Variants in POLN observed in about 807,000 individuals in gnomAD.
The protein encoded by POLN is DNA polymerase nu.
POLN carries 108 observed loss-of-function variants against 113.5 expected under a neutral mutation model. The ratio of observed to expected loss-of-function variants is 0.95; its 90% CI spans 0.81 to 1.12. The LOEUF (loss-of-function observed/expected upper bound fraction) is 1.12. Among genes scored for constraint, POLN ranks in the 50% most tolerant of loss-of-function variants. The probability of loss-of-function intolerance (pLI) is 0.00; values close to 1 mark genes in which losing one functional copy is unlikely to be tolerated. For missense variants in POLN, 1,097 were observed against 1,077.1 expected (o/e 1.02, Z -0.26); for synonymous variants, 386 against 391.5 (o/e 0.99, Z 0.17).
At chr4:2,078,553 G>A in intron 23 of POLN, 4 of 978,280 alleles carry the variant, frequency 4.1e-6, no homozygotes, top group Non-Finnish European at 4.9e-6. Context: ...TCACTCTAGG[G>A]GCACCGTGTG....
At chr4:2,240,582 T>G in intron 2 of POLN, 2 of 1,612,818 alleles carry the variant, frequency 1.2e-6, no homozygotes, top group Non-Finnish European at 1.7e-6. Context: ...CAATTGACAT[T>G]TATTACGTCG....
intron 23 of POLN, 54 bp from the exon 24 acceptor site, chr4:2,075,573 C>T: frequency 2.5e-6 from 4 of 1,591,340 alleles, no homozygotes; most frequent in Non-Finnish European, 3.4e-6. Flanking sequence ...GGGCGTGGGC[C>T]ACCAGCCTGG....
intron 3 of POLN, among the ~76,000 whole-genome samples, chr4:2,219,121 G>A (rs1299798353): frequency 1.3e-5 from 2 of 152,146 alleles, no homozygotes; most frequent in African/African-American, 4.8e-5. Context: ...CCAACAGTCT[G>A]TTCATTCCAA....
At chr4:2,189,357 C>T (rs1030532938) in intron 7 of POLN, among the ~76,000 whole-genome samples, 1 of 152,156 alleles carries the variant, frequency 6.6e-6, no homozygotes, top group Non-Finnish European at 1.5e-5. Context: ...TCAATGTTAC[C>T]GGCCAGGCAC....
At chr4:2,072,333 T>G (rs34692199) in intron 25 of POLN, 34 bp from the exon 26 acceptor site, 53 of 1,482,818 alleles carry the variant, frequency 3.6e-5, no homozygotes, top group Non-Finnish European at 4.7e-5. Context: ...GCCCCACGCC[T>G]GGGCCAGCCA....
At chr4:2,089,477 G>C in intron 20 of POLN, 2 of 1,406,074 alleles carry the variant, frequency 1.4e-6, no homozygotes, top group Non-Finnish European at 1.9e-6. Context: ...TCCCGAAACA[G>C]TTCAGTTAGG....
chr4:2,091,769 G>A (rs1257711964), intron 20 of POLN, among the ~76,000 whole-genome samples: 1 of 76,856 alleles, frequency 1.3e-5, no homozygotes, highest in East Asian at 3.6e-4. Context: ...ATCTGTGTGT[G>A]TGTGTGTGTG....
intron 23 of POLN, among the ~76,000 whole-genome samples, chr4:2,077,471 C>T (rs2108687434): frequency 6.6e-6 from 1 of 152,314 alleles, no homozygotes; most frequent in Middle Eastern, 3.4e-3. Flanking sequence ...TGGGCCTGTG[C>T]TTCATGTGCA....
chr4:2,123,767 T>C (rs1023317088), intron 19 of POLN, among the ~76,000 whole-genome samples: 45 of 152,050 alleles, frequency 3.0e-4, no homozygotes, highest in African/African-American at 1.1e-3. Context: ...ATCGTGCCTC[T>C]GCTCTCCAGC....
chr4:2,176,463 C>T (rs1338882317), intron 8 of POLN, 129 bp from the exon 9 acceptor site: 1 of 672,148 alleles, frequency 1.5e-6, no homozygotes, highest in African/African-American at 1.9e-5. Context: ...TGGCAGATGT[C>T]ATGTACGTGG....
At chr4:2,085,820 G>T in intron 20 of POLN, 76 bp from the exon 21 acceptor site, 1 of 1,584,458 alleles carries the variant, frequency 6.3e-7, no homozygotes. Flanking sequence ...AGTGAGTCAG[G>T]TCCAGCTGGC....
At chr4:2,180,920 G>A (rs1733124069) in intron 7 of POLN, among the ~76,000 whole-genome samples, 1 of 151,956 alleles carries the variant, frequency 6.6e-6, no homozygotes. Context: ...AGTAAAACCT[G>A]TAAAAAAGTA....
chr4:2,234,803 T>C (rs1734700576), intron 2 of POLN, among the ~76,000 whole-genome samples: 1 of 152,214 alleles, frequency 6.6e-6, no homozygotes, highest in South Asian at 2.1e-4. Context: ...AGGATAATTA[T>C]TCACTGCAAC....
At chr4:2,110,552 G>C (rs1731166509) in intron 19 of POLN, among the ~76,000 whole-genome samples, 1 of 152,064 alleles carries the variant, frequency 6.6e-6, no homozygotes, top group South Asian at 2.1e-4. Context: ...AAATGACAAA[G>C]GGGATATCAC....
rs182565961 is a variant in POLN at position 2,153,487 on chromosome 4, T to G, written c.1731+3301A>C. Among the ~76,000 whole-genome samples, 39 of 152,340 alleles carry G rather than the reference T, an allele frequency of 2.6e-4. No individual in the cohort carries two copies. In the East Asian group the frequency reaches 7.1e-3, roughly 28 times the overall value. On this transcript the variant is annotated intron_variant, in intron 16 of 25. Transcript: ENST00000511885. ...AGGATGGTTACCAAAATGTTAAAGA[T>G]GGCTATTGCGGGGATATGGAGTTTT...
At chr4:2,203,468 T>C (rs1733765230) in intron 5 of POLN, among the ~76,000 whole-genome samples, 1 of 151,250 alleles carries the variant, frequency 6.6e-6, no homozygotes, top group South Asian at 2.1e-4. Context: ...TAGTCCCAGC[T>C]ACTTAGGAGG....
chr4:2,113,881 AAT>A (rs1006196758), intron 19 of POLN, among the ~76,000 whole-genome samples: 9 of 147,724 alleles, frequency 6.1e-5, no homozygotes, highest in African/African-American at 2.0e-4. Flanking sequence ...TAATAATAAT[AAT>A]AATAATAATA....
intron 2 of POLN, among the ~76,000 whole-genome samples, chr4:2,237,905 T>C (rs1437574283): frequency 6.6e-6 from 1 of 152,164 alleles, no homozygotes; most frequent in East Asian, 1.9e-4. Context: ...CTTATAGATG[T>C]AACTACACAA....
intron 19 of POLN, among the ~76,000 whole-genome samples, chr4:2,123,684 T>C (rs1161917086): frequency 3.4e-5 from 5 of 148,684 alleles, no homozygotes; most frequent in Non-Finnish European, 7.4e-5. Context: ...CATGTACCTG[T>C]GGTCCCAGCT....
Sources: allele counts gnomAD v4.1 joint callset (sites outside exome capture counted in the v4.1 genomes callset), GRCh38; gene constraint gnomAD v4.1.1; transcripts MANE v1.5; gene names NCBI Gene and HGNC (gene_info 2026-07-23, HGNC 2026-07-21).